TRIM33: variants seen among roughly 807,000 people sequenced by gnomAD.
The protein encoded by TRIM33 is E3 ubiquitin-protein ligase TRIM33.
A neutral mutation model predicts 125.4 loss-of-function variants in TRIM33; 20 were observed. The observed-to-expected ratio is 0.16, with a 90% CI of 0.11 to 0.23. The LOEUF (loss-of-function observed/expected upper bound fraction) is 0.23, where lower values mean the gene tolerates loss of function less well. Among genes scored for constraint, TRIM33 ranks in the 10% least tolerant of loss-of-function variants. TRIM33 has a pLI of 1.00. For synonymous variants in TRIM33, 564 were observed against 513.9 expected (o/e 1.10, Z -1.32); for missense variants, 920 against 1,411.4 (o/e 0.65, Z 5.58).
intron 8 of TRIM33, among the ~76,000 whole-genome samples, chr1:114,426,446 G>C (rs569746795): frequency 2.6e-5 from 4 of 151,238 alleles, no homozygotes; most frequent in African/African-American, 9.7e-5. Context: ...GCTGGCTGAT[G>C]TCAGAACTAA....
At chr1:114,487,794 G>A (rs544067842) in intron 1 of TRIM33, among the ~76,000 whole-genome samples, 1 of 150,572 alleles carries the variant, frequency 6.6e-6, no homozygotes, top group East Asian at 1.9e-4. Flanking sequence ...CTACTCGGGA[G>A]GCTGAGGCAG....
chr1:114,508,879 TC>T (rs1299628745), intron 1 of TRIM33, among the ~76,000 whole-genome samples: 5 of 152,286 alleles, frequency 3.3e-5, no homozygotes, highest in Admixed American at 6.5e-5. Flanking sequence ...TATACTTTTT[TC>T]CCATTTCACA....
intron 1 of TRIM33, among the ~76,000 whole-genome samples, chr1:114,488,990 C>T (rs1414698197): frequency 6.6e-6 from 1 of 152,172 alleles, no homozygotes; most frequent in African/African-American, 2.4e-5. Flanking sequence ...GTGGAAGCTG[C>T]AGTAAGCCCT....
chr1:114,425,064 G>A (rs1375681098), intron 9 of TRIM33, among the ~76,000 whole-genome samples: 2 of 152,038 alleles, frequency 1.3e-5, no homozygotes, highest in African/African-American at 2.4e-5. Flanking sequence ...GGATGGCAGT[G>A]GAGAGAGCAA....
intron 10 of TRIM33, among the ~76,000 whole-genome samples, chr1:114,422,650 A>G (rs943290159): frequency 2.8e-5 from 4 of 143,274 alleles, no homozygotes; most frequent in African/African-American, 7.9e-5. Context: ...ACCAGGAAGG[A>G]AAAAAAAAAA....
At chr1:114,491,462 A>G (rs1396311449) in intron 1 of TRIM33, among the ~76,000 whole-genome samples, 2 of 152,206 alleles carry the variant, frequency 1.3e-5, no homozygotes, top group Non-Finnish European at 2.9e-5. Context: ...CAACCAGTCA[A>G]TACATAACAT....
At chr1:114,401,028 CTTTTTT>C (rs944429313) in intron 17 of TRIM33, among the ~76,000 whole-genome samples, 9 of 142,450 alleles carry the variant, frequency 6.3e-5, no homozygotes, top group African/African-American at 2.3e-4. Flanking sequence ...AGGCCATACT[CTTTTTT>C]TTTTTTTTCT....
At chr1:114,462,507 T>C (rs1650057669) in intron 4 of TRIM33, among the ~76,000 whole-genome samples, 1 of 152,202 alleles carries the variant, frequency 6.6e-6, no homozygotes, top group African/African-American at 2.4e-5. Flanking sequence ...ACAGATGCCA[T>C]GGAAGCTGGA....
intron 16 of TRIM33, among the ~76,000 whole-genome samples, chr1:114,402,254 A>C (rs534639968): frequency 3.3e-5 from 5 of 152,358 alleles, no homozygotes; most frequent in African/African-American, 1.2e-4. Flanking sequence ...ACTTTTTTAA[A>C]AAGAACACTG....
At chr1:114,424,538 C>A in intron 10 of TRIM33, 53 bp downstream of exon 10, 1 of 1,424,798 alleles carries the variant, frequency 7.0e-7, no homozygotes, top group South Asian at 1.6e-5. Context: ...AAGAAAATGA[C>A]GTCTTTTAAT....
chr1:114,472,398 A>G (rs910479108), intron 1 of TRIM33, among the ~76,000 whole-genome samples: 1 of 152,234 alleles, frequency 6.6e-6, no homozygotes, highest in Non-Finnish European at 1.5e-5. Context: ...AAAATACTTT[A>G]TAACAGTGTA....
At chr1:114,479,895 C>T (rs1435175199) in intron 1 of TRIM33, among the ~76,000 whole-genome samples, 7 of 113,034 alleles carry the variant, frequency 6.2e-5, no homozygotes, top group South Asian at 2.8e-4. Context: ...CCGCCCCATC[C>T]GGAAGGTGGG....
chr1:114,506,326 T>C (rs1489984581), intron 1 of TRIM33, among the ~76,000 whole-genome samples: 1 of 146,170 alleles, frequency 6.8e-6, no homozygotes, highest in Non-Finnish European at 1.5e-5. Flanking sequence ...GAGGTTGCAG[T>C]GAGCCGAGAT....
chr1:114,487,146 AATAC>A (rs1651748869), intron 1 of TRIM33, among the ~76,000 whole-genome samples: 1 of 152,036 alleles, frequency 6.6e-6, no homozygotes, highest in Admixed American at 6.6e-5. Flanking sequence ...AATTTGACAA[AATAC>A]ATAAACCTAC....
chr1:114,444,289 A>G (rs1483663111), intron 4 of TRIM33, among the ~76,000 whole-genome samples: 2 of 152,226 alleles, frequency 1.3e-5, no homozygotes, highest in Non-Finnish European at 2.9e-5. Context: ...GTTCTTGGTC[A>G]AAGTCTGGGC....
In TRIM33 at chr1:114,427,286, G is replaced by C; in HGVS notation, c.1311C>G (p.Phe437Leu). The change falls in exon 8 of 20, where the codon TTC becomes TTG. Residue 437 changes from phenylalanine to leucine, a missense_variant. Physicochemically the swap from Phe to Leu is conservative, Grantham distance 22 (BLOSUM62 0). This residue lies in a region of TRIM33 where 407 missense variants were observed against 589.7 expected (regional missense o/e 0.69). Coordinates refer to ENST00000358465, the MANE Select transcript of TRIM33 (RefSeq NM_015906.4). ...ALLYSKRLIT[F>L]QLRHILKARC... Reference sequence around the variant, plus strand: ...GTGCTTTCAAAATATGACGCAACTGGAAAGTAATCTTAAAGGGAAAAAAAT... The same window carrying C: ...GTGCTTTCAAAATATGACGCAACTGCAAAGTAATCTTAAAGGGAAAAAAAT... 6.4e-7 allele frequency: 1 copy of C among 1,552,594 alleles called. No homozygotes were observed. The highest frequency in any genetic ancestry group is 2.3e-5 in the East Asian group (1 of 44,044).
intron 10 of TRIM33, among the ~76,000 whole-genome samples, chr1:114,422,818 C>T (rs372934644): frequency 2.6e-5 from 4 of 151,996 alleles, no homozygotes; most frequent in Non-Finnish European, 5.9e-5. Flanking sequence ...TTTGATAGAT[C>T]GTTTTCTCAG....
intron 1 of TRIM33, among the ~76,000 whole-genome samples, chr1:114,490,060 G>A (rs1175528092): frequency 7.5e-6 from 1 of 134,164 alleles, no homozygotes; most frequent in Non-Finnish European, 1.5e-5. Context: ...AGACCAGCCT[G>A]GGCAACAGAG....
intron 4 of TRIM33, among the ~76,000 whole-genome samples, chr1:114,455,539 C>T (rs1318051371): frequency 2.0e-5 from 3 of 152,086 alleles, no homozygotes; most frequent in African/African-American, 7.2e-5. Flanking sequence ...CTAAGAAAAT[C>T]AGAGTTAAGT....
Sources: gnomAD v4.1 joint callset for allele counts (sites outside exome capture counted in the v4.1 genomes callset) on GRCh38, gnomAD v4.1.1 for gene constraint, gnomAD v4.1.1 regional missense constraint, MANE v1.5 for transcripts, NCBI Gene and HGNC (gene_info 2026-07-23, HGNC 2026-07-21) for gene names.